Variants in TXLNG observed in about 807,000 individuals in gnomAD.
TXLNG encodes the protein gamma-taxilin.
Under a neutral mutation model 38.8 loss-of-function variants are expected in TXLNG, and 5 were observed. That is an observed-to-expected ratio of 0.13 (90% confidence interval 0.07 to 0.27). The LOEUF is 0.27. Ranked by LOEUF, TXLNG falls within the 10% of genes least tolerant of loss-of-function variation. TXLNG has a pLI of 1.00. For missense variants in TXLNG, 393 were observed against 398.2 expected, an observed-to-expected ratio of 0.99 and a Z score of 0.11; for synonymous variants, 182 against 158.2, an observed-to-expected ratio of 1.15 and a Z score of -1.13.
intron 1 of TXLNG, among the ~76,000 whole-genome samples, chrX:16,809,218 C>T (rs1928423400): frequency 9.0e-6 from 1 of 110,969 alleles, no homozygotes; most frequent in African/African-American, 3.3e-5. Context: ...CAGTCAGTCC[C>T]TTCCCCGACT....
At chrX:16,840,549 G>A (rs774097920) in intron 9 of TXLNG, 36 of 512,474 alleles carry the variant, frequency 7.0e-5, no homozygotes, top group South Asian at 1.0e-4. Flanking sequence ...CGACGCAGGC[G>A]GATCATGAGG....
chrX:16,831,169 C>T (rs748846674), intron 5 of TXLNG, among the ~76,000 whole-genome samples: 2 of 112,232 alleles, frequency 1.8e-5, no homozygotes, highest in East Asian at 2.8e-4. Context: ...TGCAATGGCT[C>T]ACGCCTGTAA....
At chrX:16,800,528 G>A (rs916435982) in intron 1 of TXLNG, among the ~76,000 whole-genome samples, 1 of 105,695 alleles carries the variant, frequency 9.5e-6, no homozygotes, top group Non-Finnish European at 1.9e-5. Context: ...AATTACAGGC[G>A]TAAGCCACCG....
intron 3 of TXLNG, among the ~76,000 whole-genome samples, chrX:16,823,041 T>C (rs990940342): frequency 3.6e-5 from 4 of 111,863 alleles, no homozygotes; most frequent in Non-Finnish European, 3.8e-5. Flanking sequence ...TTTCAGGATG[T>C]GACACATTGA....
chrX:16,841,908 T>A lies in TXLNG; in HGVS notation c.*142T>A. On this transcript the variant is annotated 3_prime_UTR_variant, in exon 10 of 10. Coordinates refer to ENST00000380122, the MANE Select transcript of TXLNG (RefSeq NM_018360.3). ...TCTTAGAACTACTGGACTTATGTGG[T>A]ACAGGAGGCTGCTTAGCAGTTTTGA... 1 of 662,138 alleles carries A rather than the reference T, an allele frequency of 1.5e-6. No homozygotes were observed. Among genetic ancestry groups the A allele is most frequent in the Non-Finnish European group, 2.3e-6 (1 of 443,762 alleles). 54.6% of individuals were successfully genotyped at this position (662,138 alleles called of 1,213,427 possible).
At chrX:16,829,813 A>G (rs1317482594) in intron 5 of TXLNG, 43 bp downstream of exon 5, 1 of 1,160,518 alleles carries the variant, frequency 8.6e-7, no homozygotes, top group Admixed American at 2.3e-5. Context: ...CAAGATTAGC[A>G]AAAGTGTCAC....
chrX:16,821,919 G>A (rs1320603048), intron 3 of TXLNG, among the ~76,000 whole-genome samples: 13 of 110,101 alleles, frequency 1.2e-4, no homozygotes, highest in Admixed American at 7.7e-4. Context: ...GCATGAACCC[G>A]GGAGGCAGAG....
intron 1 of TXLNG, among the ~76,000 whole-genome samples, chrX:16,807,227 C>T (rs766155103): frequency 7.1e-5 from 8 of 112,273 alleles, no homozygotes; most frequent in Admixed American, 1.9e-4. Flanking sequence ...AGAGTTAATC[C>T]CTGCTAAAAA....
chrX:16,837,559 G>C, intron 7 of TXLNG, 34 bp from the exon 8 acceptor site: 4 of 1,058,147 alleles, frequency 3.8e-6, no homozygotes, highest in Non-Finnish European at 5.2e-6. Context: ...TGTTTGCATG[G>C]AACTCAGAAT....
Position 16,841,877 on chromosome X carries a change from G to A in TXLNG, c.*111G>A. 1 of 871,259 alleles carries A rather than the reference G, an allele frequency of 1.1e-6. No homozygotes were observed. The highest frequency in any genetic ancestry group is 1.6e-6 in the Non-Finnish European group (1 of 623,657). 71.8% of individuals were successfully genotyped at this position (871,259 alleles called of 1,213,427 possible). A position where few individuals can be genotyped will look rare whatever the true frequency, so the allele number is the denominator to read the frequency against. ...TTTTCTTACTTTTTCTACCATATCT[G>A]TATTTTCTTAGAACTACTGGACTTA... On this transcript the variant is annotated 3_prime_UTR_variant, in exon 10 of 10. Transcript: ENST00000380122.
At chrX:16,832,386 A>G (rs1439068704) in intron 5 of TXLNG, among the ~76,000 whole-genome samples, 1 of 112,319 alleles carries the variant, frequency 8.9e-6, no homozygotes, top group South Asian at 3.7e-4. Context: ...AGGGTGGGGG[A>G]ACAGGCAACA....
At chrX:16,834,442 T>C in intron 7 of TXLNG, 85 bp downstream of exon 7, 1 of 887,258 alleles carries the variant, frequency 1.1e-6, no homozygotes, top group Non-Finnish European at 1.6e-6. Flanking sequence ...TCCTCTAAGA[T>C]GGTTTTGCTT....
At position 16,829,855 on chromosome X, in the gene TXLNG, G is replaced by C. The variant is rs144470868; in HGVS notation, c.864+85G>C. On this transcript the variant is annotated intron_variant, in intron 5 of 9. Coordinates refer to ENST00000380122, the MANE Select transcript of TXLNG (RefSeq NM_018360.3). Reference sequence around the variant, plus strand: ...TACCTAAAGTAAAACTGCTGTCACGGGTGTTTCAGAACTTTGCATATGCAT... The same window carrying C: ...TACCTAAAGTAAAACTGCTGTCACGCGTGTTTCAGAACTTTGCATATGCAT... The C allele has an allele frequency of 1.1e-3, 1,109 of 981,679 alleles. 11 individuals carry two copies. In the African/African-American group the frequency reaches 0.019, roughly 17 times the overall value. 80.9% of individuals were successfully genotyped at this position (981,679 alleles called of 1,213,427 possible).
At chrX:16,820,509 AAGTC>A (rs773425961) in intron 3 of TXLNG, among the ~76,000 whole-genome samples, 1 of 111,826 alleles carries the variant, frequency 8.9e-6, no homozygotes, top group East Asian at 2.8e-4. Flanking sequence ...TTTAGAGTCT[AAGTC>A]AGCCTTTCCA....
intron 7 of TXLNG, among the ~76,000 whole-genome samples, chrX:16,835,847 C>T (rs1929575047): frequency 8.9e-6 from 1 of 112,539 alleles, no homozygotes; most frequent in Non-Finnish European, 1.9e-5. Context: ...CTGTCTTCAC[C>T]CGCTGTTTTG....
At chrX:16,786,711 T>C (rs1198380062) in intron 1 of TXLNG, 122 bp downstream of exon 1, 3 of 201,313 alleles carry the variant, frequency 1.5e-5, no homozygotes, top group Admixed American at 1.1e-4. Context: ...TCCGGTCTTC[T>C]TCCCTCCCGG....
intron 1 of TXLNG, among the ~76,000 whole-genome samples, chrX:16,802,948 T>C (rs1392401511): frequency 9.3e-6 from 1 of 107,437 alleles, no homozygotes; most frequent in Non-Finnish European, 1.9e-5. Flanking sequence ...GCCTCCCGAG[T>C]AGATGGGATT....
In TXLNG at chrX:16,841,437, C is replaced by T. The variant is rs762259673; in HGVS notation, c.1258C>T (p.Arg420Cys). Residue 420 changes from arginine to cysteine, a missense_variant, in exon 10 of 10, where the codon CGT becomes TGT. Coordinates refer to ENST00000380122, the MANE Select transcript of TXLNG (RefSeq NM_018360.3). ...CTCTTTTTTCTTACAGAAAACAGTC[C>T]GTGATAAAGAGTACAAGGCCCTTCA... ...LLQMAEEKTV[R>C]DKEYKALQIK... The T allele has an allele frequency of 3.7e-5, 44 of 1,189,106 alleles. No individual in the cohort carries two copies. The highest frequency in any genetic ancestry group is 7.2e-5 in the Admixed American group (3 of 41,713).
rs760417348 is a variant in TXLNG, at chrX:16,843,241, T to C, written c.*1475T>C. On this transcript the variant is annotated 3_prime_UTR_variant, in exon 10 of 10. Coordinates refer to ENST00000380122, the MANE Select transcript of TXLNG (RefSeq NM_018360.3). ...CCAGTTAAAAGGGTTTTCTCTTTGT[T>C]ACAAGTGTTATTTGTAAAGTCCTGT... 1 of 112,555 alleles carries C rather than the reference T, an allele frequency of 8.9e-6. No individual in the cohort carries two copies. Among genetic ancestry groups the C allele is most frequent in the Admixed American group, 9.4e-5 (1 of 10,605 alleles). The allele number at this position is 112,555 out of a possible 1,213,427, so 9.3% of individuals were successfully genotyped here.
Sources: gnomAD v4.1 joint callset for allele counts (sites outside exome capture counted in the v4.1 genomes callset) on GRCh38, gnomAD v4.1.1 for gene constraint, MANE v1.5 for transcripts, NCBI Gene and HGNC (gene_info 2026-07-23, HGNC 2026-07-21) for gene names.